HERPUD1: variants seen among roughly 807,000 people sequenced by gnomAD.
HERPUD1 encodes the protein homocysteine-responsive endoplasmic reticulum-resident ubiquitin-like domain member 1 protein.
HERPUD1 carries 17 observed loss-of-function variants against 45.0 expected under a neutral mutation model. That is an observed-to-expected ratio of 0.38 (90% confidence interval 0.26 to 0.57). The LOEUF (loss-of-function observed/expected upper bound fraction) is 0.57, where lower values mean the gene tolerates loss of function less well. HERPUD1 is among the 20% of genes least tolerant of loss of function. The pLI is 0.72. For synonymous variants in HERPUD1, 164 were observed against 177.5 expected (o/e 0.92, Z 0.61); for missense variants, 420 against 490.5 (o/e 0.86, Z 1.36).
chr16:56,942,576 T>G (rs551679815), intron 7 of HERPUD1, among the ~76,000 whole-genome samples: 32 of 152,220 alleles, frequency 2.1e-4, no homozygotes, highest in Non-Finnish European at 3.5e-4. Flanking sequence ...AGTTGAAGCC[T>G]GGGCGTGGTG....
Position 56,939,993 on chromosome 16 carries a change from A to G in HERPUD1, c.653A>G (p.Gln218Arg). Reference protein sequence around the residue: ...SAPAPAPIHNQFPAENQPANQ... With the variant: ...SAPAPAPIHNRFPAENQPANQ... ...CCTGCTCCAGCCCCTATTCACAACC[A>G]GTTTCCAGCTGAAAACCAGCCTGCC... The change falls in exon 6 of 8, where the codon CAG (glutamine) becomes CGG (arginine). Residue 218 changes from glutamine (Q) to arginine (R), a missense_variant. Physicochemically the swap from Gln to Arg is conservative, Grantham distance 43. Transcript: ENST00000439977. 6.2e-7 allele frequency: 1 copy of G among 1,614,200 alleles called. No homozygotes were observed. Among genetic ancestry groups the G allele is most frequent in the African/African-American group, 1.3e-5 (1 of 75,056 alleles).
chr16:56,942,100 C>A, intron 6 of HERPUD1, 32 bp from the exon 7 acceptor site: 1 of 1,555,548 alleles, frequency 6.4e-7, no homozygotes, highest in Non-Finnish European at 8.9e-7. Context: ...GTGACATCAG[C>A]TAAGATGGAC....
chr16:56,940,408 G>A lies in HERPUD1; in HGVS notation c.905+163G>A, dbSNP rs1225159426. On this transcript the variant is annotated intron_variant, in intron 6 of 7. Coordinates refer to ENST00000439977, the MANE Select transcript of HERPUD1 (RefSeq NM_014685.4). ...TGCAATCTCCGCTTCCCAGGTTCAAGCGATTCTCCTGCCTCAGCCTCCTGG... is the reference window on the plus strand; with the variant it reads ...TGCAATCTCCGCTTCCCAGGTTCAAACGATTCTCCTGCCTCAGCCTCCTGG... 21 of 601,054 alleles carry A rather than the reference G, an allele frequency of 3.5e-5. No individual in the cohort carries two copies. In the East Asian group the frequency reaches 5.3e-4, roughly 15 times the overall value. 37.2% of individuals were successfully genotyped at this position (601,054 alleles called of 1,614,324 possible). A position where few individuals can be genotyped will look rare whatever the true frequency, so the allele number is the denominator to read the frequency against.
chr16:56,941,864 C>A (rs60906687), intron 6 of HERPUD1: 227,569 of 321,672 alleles, frequency 0.71, 82,070 homozygotes, highest in African/African-American at 0.9. Flanking sequence ...TTTAGTTCGT[C>A]ATAAGCATTT....
intron 6 of HERPUD1, 192 bp downstream of exon 6, chr16:56,940,437 G>A (rs1309801190): frequency 3.6e-6 from 2 of 553,016 alleles, no homozygotes; most frequent in Non-Finnish European, 6.4e-6. Flanking sequence ...CTCCTGGGTA[G>A]TTGGGATTAC....
intron 4 of HERPUD1, 26 bp downstream of exon 4, chr16:56,936,843 C>T (rs1454603584): frequency 3.1e-6 from 5 of 1,609,708 alleles, no homozygotes; most frequent in Non-Finnish European, 4.2e-6. Flanking sequence ...AAGATCTTGG[C>T]TTATGCAACA....
Position 56,940,201 on chromosome 16 carries a change from G to A in HERPUD1, c.861G>A (p.Leu287=), listed in dbSNP as rs2055898918. ...FLSILYFYSS[L]SRFLMVMGAT... ...GTATCCTCTACTTCTACTCCTCCCT[G>A]AGCAGATTCCTCATGGTCATGGGGG... is the stretch of plus-strand genomic sequence containing the variant. Residue 287 remains leucine (L), a synonymous_variant, in exon 6 of 8, where the codon CTG becomes CTA. Coordinates refer to ENST00000439977, the MANE Select transcript of HERPUD1 (RefSeq NM_014685.4). 1 of 1,614,154 alleles carries A rather than the reference G, an allele frequency of 6.2e-7. No homozygotes were observed. Among genetic ancestry groups the A allele is most frequent in the Non-Finnish European group, 8.5e-7 (1 of 1,180,002 alleles).
At position 56,943,294 on chromosome 16, in the gene HERPUD1, T is replaced by C; in HGVS notation, c.*4T>C. The C allele has an allele frequency of 2.5e-6, 4 of 1,611,616 alleles. No individual in the cohort carries two copies. The highest frequency in any genetic ancestry group is 1.7e-5 in the Admixed American group (1 of 58,894). ...CCCCCCAGCCATCGCAAACTGATGGTGTTTGTGCTGTAGCTGTTGGAGGCT... is the reference window on the plus strand; with the variant it reads ...CCCCCCAGCCATCGCAAACTGATGGCGTTTGTGCTGTAGCTGTTGGAGGCT... On this transcript the variant is annotated 3_prime_UTR_variant, in exon 8 of 8. Transcript: ENST00000439977.
intron 1 of HERPUD1, chr16:56,933,446 G>T: frequency 2.3e-6 from 1 of 428,076 alleles, no homozygotes; most frequent in Non-Finnish European, 4.7e-6. Context: ...AAACTGGGTG[G>T]CTGTGTTGCC....
chr16:56,935,079 G>C, intron 1 of HERPUD1, 156 bp from the exon 2 acceptor site: 1 of 609,432 alleles, frequency 1.6e-6, no homozygotes, highest in Admixed American at 2.9e-5. Context: ...TTTCTAAATA[G>C]AAGTCTTGTA....
chr16:56,932,213 C>A lies in HERPUD1; in HGVS notation c.-32C>A, dbSNP rs765432429. On this transcript the variant is annotated 5_prime_UTR_variant, in exon 1 of 8. Coordinates refer to ENST00000439977, the MANE Select transcript of HERPUD1 (RefSeq NM_014685.4). The stretch of plus-strand genomic sequence containing the variant: ...ACGCCGCCTGCCTGGCACCTAGGAG[C>A]GCAGCGGAGCCCCGACACCGCCGCC... The A allele has an allele frequency of 3.9e-5, 62 of 1,599,396 alleles. 1 individual carries two copies. The South Asian group carries it at 6.6e-4, about 17-fold the overall frequency.
At chr16:56,939,072 T>G in intron 4 of HERPUD1, 165 bp from the exon 5 acceptor site, 2 of 681,376 alleles carry the variant, frequency 2.9e-6, no homozygotes, top group Non-Finnish European at 4.9e-6. Context: ...GTACCTTCTG[T>G]GCTTGTGGTA....
In HERPUD1 at chr16:56,935,390, A is replaced by G. The variant is rs2055858651; in HGVS notation, c.226-11A>G. On this transcript the variant is annotated splice_polypyrimidine_tract_variant and intron_variant, in intron 2 of 7. Transcript: ENST00000439977. ...GGTTCAGGTCCTTAAGTACCTTCGTATTACTTTTAGCAGGAAAAACGGCAT... is the reference window on the plus strand; with the variant it reads ...GGTTCAGGTCCTTAAGTACCTTCGTGTTACTTTTAGCAGGAAAAACGGCAT... 9.3e-6 allele frequency: 15 copies of G among 1,613,862 alleles called. No individual in the cohort carries two copies. Among genetic ancestry groups the G allele is most frequent in the East Asian group, 2.2e-5 (1 of 44,890 alleles).
chr16:56,932,224 C>CCCGACA lies in HERPUD1; in HGVS notation c.-17_-12dup. 1.2e-6 allele frequency: 2 copies of CCCGACA among 1,603,038 alleles called. No homozygotes were observed. The highest frequency in any genetic ancestry group is 1.7e-6 in the Non-Finnish European group (2 of 1,178,414). ...CTGGCACCTAGGAGCGCAGCGGAGCCCCGACACCGCCGCCGCCGCCATGGA... is the reference window on the plus strand; with the variant it reads ...CTGGCACCTAGGAGCGCAGCGGAGCCCCGACACCGACACCGCCGCCGCCGCCATGGA... On this transcript the variant is annotated 5_prime_UTR_variant, in exon 1 of 8. Transcript: ENST00000439977.
chr16:56,932,435 G>T, intron 1 of HERPUD1, 44 bp downstream of exon 1: 1 of 1,472,522 alleles, frequency 6.8e-7, no homozygotes, highest in Non-Finnish European at 9.0e-7. Flanking sequence ...GTGGCCCCCC[G>T]CCCTCTGCTG....
rs201792069 is a variant in HERPUD1 at position 56,943,285 on chromosome 16, A to C, written c.1171A>C (p.Asn391His). 8 of 1,614,058 alleles carry C rather than the reference A, an allele frequency of 5.0e-6. No homozygotes were observed. In the African/African-American group the frequency reaches 5.3e-5, roughly 11 times the overall value. The part of the protein sequence containing the change: ...LLPEGPPAIA[N>H] Reference sequence around the variant, plus strand: ...TCCAGAAGGCCCCCCAGCCATCGCAAACTGATGGTGTTTGTGCTGTAGCTG... The same window carrying C: ...TCCAGAAGGCCCCCCAGCCATCGCACACTGATGGTGTTTGTGCTGTAGCTG... The change falls in exon 8 of 8, where the codon AAC becomes CAC. Residue 391 changes from asparagine to histidine, a missense_variant. Transcript: ENST00000439977.
chr16:56,943,309 T>G lies in HERPUD1; in HGVS notation c.*19T>G. 1 of 1,614,058 alleles carries G rather than the reference T, an allele frequency of 6.2e-7. No homozygotes were observed. On this transcript the variant is annotated 3_prime_UTR_variant, in exon 8 of 8. Coordinates refer to ENST00000439977, the MANE Select transcript of HERPUD1 (RefSeq NM_014685.4). ...AAACTGATGGTGTTTGTGCTGTAGC[T>G]GTTGGAGGCTTTGACAGGAATGGAC...
In HERPUD1 at chr16:56,940,011, A is replaced by G; in HGVS notation, c.671A>G (p.Gln224Arg). The change falls in exon 6 of 8, where the codon CAG (glutamine) becomes CGG (arginine). Residue 224 changes from glutamine to arginine, a missense_variant. Coordinates refer to ENST00000439977, the MANE Select transcript of HERPUD1 (RefSeq NM_014685.4). ...CACAACCAGTTTCCAGCTGAAAACC[A>G]GCCTGCCAATCAGAATGCTGCTCCT... ...PIHNQFPAEN[Q>R]PANQNAAPQV... is the part of the protein sequence containing the mutation. The G allele has an allele frequency of 6.2e-7, 1 of 1,614,232 alleles. No homozygotes were observed. Among genetic ancestry groups the G allele is most frequent in the Non-Finnish European group, 8.5e-7 (1 of 1,180,044 alleles).
intron 5 of HERPUD1, 57 bp from the exon 6 acceptor site, chr16:56,939,838 A>G (rs1216189168): frequency 7.4e-7 from 1 of 1,358,610 alleles, no homozygotes. Flanking sequence ...TAAATAAGCC[A>G]CAGACTTCAC....
Sources: gnomAD v4.1 joint callset for allele counts (sites outside exome capture counted in the v4.1 genomes callset) on GRCh38, gnomAD v4.1.1 for gene constraint, MANE v1.5 for transcripts, NCBI Gene and HGNC (gene_info 2026-07-23, HGNC 2026-07-21) for gene names.